SMPD4: variants seen among roughly 807,000 people sequenced by gnomAD.
SMPD4 encodes the protein sphingomyelin phosphodiesterase 4, also known as neutral sphingomyelinase 3.
A neutral mutation model predicts 97.8 loss-of-function variants in SMPD4; 58 were observed. The ratio of observed to expected loss-of-function variants is 0.59; its 90% CI spans 0.48 to 0.74. SMPD4 has a LOEUF of 0.74. SMPD4 is among the 30% of genes least tolerant of loss of function. The probability of loss-of-function intolerance (pLI) is 0.00; values close to 1 mark genes in which losing one functional copy is unlikely to be tolerated. For missense variants in SMPD4, 853 were observed against 1,080.5 expected, an observed-to-expected ratio of 0.79 and a Z score of 2.95; for synonymous variants, 388 against 450.0, an observed-to-expected ratio of 0.86 and a Z score of 1.74.
rs750820236 is a variant in SMPD4, at chr2:130,154,443, T to G, written c.1493A>C (p.His498Pro). The change falls in exon 16 of 20, where the codon CAC (histidine) becomes CCC (proline). Residue 498 changes from histidine to proline, a missense_variant. By Grantham distance (77) the His-to-Pro change is moderately conservative. This residue lies in a region of SMPD4 where 511 missense variants were observed against 608.1 expected (regional missense o/e 0.84). Coordinates refer to ENST00000680298, the MANE Select transcript of SMPD4 (RefSeq NM_017951.5). Reference protein sequence around the residue: ...LFLEPELVIPHRQHRLFTAPT... With the variant: ...LFLEPELVIPPRQHRLFTAPT... ...GGCCGTGAAGAGTCGGTGCTGGCGG[T>G]GGGGGATGACCAGCTCTGGCTCCAG... The G allele has an allele frequency of 6.4e-7, 1 of 1,564,930 alleles. No individual in the cohort carries two copies. Among genetic ancestry groups the G allele is most frequent in the Non-Finnish European group, 8.7e-7 (1 of 1,153,876 alleles).
intron 11 of SMPD4, 75 bp downstream of exon 11, chr2:130,161,111 G>T: frequency 1.4e-6 from 2 of 1,429,704 alleles, no homozygotes; most frequent in Non-Finnish European, 1.9e-6. Flanking sequence ...CCAGCGGCCG[G>T]CCCCGGCGGC....
chr2:130,163,933 G>T (rs112032236), intron 10 of SMPD4, among the ~76,000 whole-genome samples: 1 of 152,196 alleles, frequency 6.6e-6, no homozygotes, highest in Non-Finnish European at 1.5e-5. Flanking sequence ...TGGAGAAGGT[G>T]GGGGAGTAGG....
chr2:130,155,958 G>A (rs1686743054), intron 14 of SMPD4, 77 bp downstream of exon 14: 1 of 1,463,576 alleles, frequency 6.8e-7, no homozygotes, highest in Non-Finnish European at 9.5e-7. Flanking sequence ...ACAGGCCGCT[G>A]GCTTGGCCTC....
At chr2:130,177,816 G>A (rs1215108166) in intron 1 of SMPD4, among the ~76,000 whole-genome samples, 8 of 152,154 alleles carry the variant, frequency 5.3e-5, no homozygotes, top group Admixed American at 1.3e-4. Context: ...TATATACCAG[G>A]ACTCGCTCTA....
chr2:130,153,247 C>G, intron 18 of SMPD4, 72 bp downstream of exon 18: 1 of 1,612,692 alleles, frequency 6.2e-7, no homozygotes, highest in Non-Finnish European at 8.5e-7. Context: ...ATGGCCTCTG[C>G]TCACAAGGGA....
At chr2:130,167,790 T>C (rs1336580765) in intron 8 of SMPD4, among the ~76,000 whole-genome samples, 200 bp from the exon 9 acceptor site, 1 of 152,196 alleles carries the variant, frequency 6.6e-6, no homozygotes, top group African/African-American at 2.4e-5. Flanking sequence ...GAGAGAAGTC[T>C]TCCTTACCAC....
At position 130,181,585 on chromosome 2, in the gene SMPD4, G is replaced by A. The variant is rs1689649073; in HGVS notation, c.-101C>T. 6.2e-7 allele frequency: 1 copy of A among 1,605,374 alleles called. No homozygotes were observed. The highest frequency in any genetic ancestry group is 8.5e-7 in the Non-Finnish European group (1 of 1,176,818). On this transcript the variant is annotated 5_prime_UTR_variant, in exon 1 of 20. Transcript: ENST00000680298. The stretch of plus-strand genomic sequence containing the variant: ...AGATGGAAGCCGCCATTCCGCCACG[G>A]CGCCGAAAGTCGTCATCAAGCTGCG...
chr2:130,153,637 G>A (rs1686457702), intron 17 of SMPD4, 65 bp downstream of exon 17: 3 of 1,567,324 alleles, frequency 1.9e-6, no homozygotes, highest in Non-Finnish European at 8.7e-7. Flanking sequence ...ACCACAGGCT[G>A]GGTGGAGTGG....
chr2:130,153,938 G>A lies in SMPD4; in HGVS notation c.1660-3C>T. The A allele has an allele frequency of 6.2e-7, 1 of 1,612,138 alleles. No homozygotes were observed. On this transcript the variant is annotated splice_region_variant and splice_polypyrimidine_tract_variant and intron_variant, in intron 16 of 19. Coordinates refer to ENST00000680298, the MANE Select transcript of SMPD4 (RefSeq NM_017951.5). ...ATGAGCTGAGCGAGGCGCAGGACCTGCAAGGGAGGCGCGGGCAGGTCACCA... is the reference window on the plus strand; with the variant it reads ...ATGAGCTGAGCGAGGCGCAGGACCTACAAGGGAGGCGCGGGCAGGTCACCA...
chr2:130,181,703 C>G (rs77887649), upstream of SMPD4: 4 of 1,548,442 alleles, frequency 2.6e-6, no homozygotes, highest in East Asian at 2.4e-5. Context: ...GAAGGCCGGC[C>G]GGGCGGGGAA....
Position 130,153,040 on chromosome 2 carries a change from C to T in SMPD4, c.2154+3G>A, listed in dbSNP as rs997820584. The T allele has an allele frequency of 3.1e-6, 5 of 1,609,276 alleles. No individual in the cohort carries two copies. In the African/African-American group the frequency reaches 6.7e-5, roughly 22 times the overall value. ...CGCCAGGCCAGCCCTCCTGCCCACT[C>T]ACTCTGTGGTTGATGGCAGACGACA... On this transcript the variant is annotated splice_donor_region_variant and intron_variant, in intron 19 of 19. Transcript: ENST00000680298.
chr2:130,162,305 G>A (rs561558334), intron 10 of SMPD4, among the ~76,000 whole-genome samples: 31 of 152,304 alleles, frequency 2.0e-4, no homozygotes, highest in South Asian at 1.2e-3. Context: ...AGCCACAGCC[G>A]GCCTGGTGCA....
chr2:130,180,303 G>A (rs1023328648), intron 1 of SMPD4, among the ~76,000 whole-genome samples: 3 of 141,716 alleles, frequency 2.1e-5, no homozygotes, highest in Non-Finnish European at 3.1e-5. Flanking sequence ...TCTCGCTCTG[G>A]GCTCTGTCGC....
intron 4 of SMPD4, 43 bp downstream of exon 4, chr2:130,173,471 A>G (rs1316352155): frequency 3.2e-6 from 5 of 1,586,962 alleles, no homozygotes; most frequent in African/African-American, 1.3e-5. Flanking sequence ...TGGAATCACC[A>G]TGAGGAATCA....
At chr2:130,165,740 T>G (rs1489718411) in intron 9 of SMPD4, among the ~76,000 whole-genome samples, 1 of 152,154 alleles carries the variant, frequency 6.6e-6, no homozygotes, top group Non-Finnish European at 1.5e-5. Flanking sequence ...GATTTCCTTG[T>G]TTTTCATTAG....
At chr2:130,167,017 T>C (rs1687995478) in intron 9 of SMPD4, among the ~76,000 whole-genome samples, 1 of 152,244 alleles carries the variant, frequency 6.6e-6, no homozygotes, top group Non-Finnish European at 1.5e-5. Flanking sequence ...GTTTTCTAAA[T>C]GTCACAGCAG....
chr2:130,153,602 G>A (rs1446202673), intron 17 of SMPD4, 100 bp downstream of exon 17: 1 of 1,551,038 alleles, frequency 6.4e-7, no homozygotes, highest in African/African-American at 1.4e-5. Context: ...CCATATGTGT[G>A]GGGCCTGGGA....
chr2:130,180,985 TTTTTG>T (rs1553441531), intron 1 of SMPD4, among the ~76,000 whole-genome samples: 2 of 152,064 alleles, frequency 1.3e-5, no homozygotes, highest in African/African-American at 2.4e-5. Flanking sequence ...CCCCGTTTGT[TTTTTG>T]TTTTGTTTTG....
intron 11 of SMPD4, among the ~76,000 whole-genome samples, chr2:130,160,480 T>C (rs1271417374): frequency 6.6e-6 from 1 of 152,212 alleles, no homozygotes; most frequent in Non-Finnish European, 1.5e-5. Context: ...TGAACTCTGC[T>C]TCACTGACCT....
Sources: gnomAD v4.1 joint callset for allele counts (sites outside exome capture counted in the v4.1 genomes callset) on GRCh38, gnomAD v4.1.1 for gene constraint, gnomAD v4.1.1 regional missense constraint, MANE v1.5 for transcripts, NCBI Gene and HGNC (gene_info 2026-07-23, HGNC 2026-07-21) for gene names.